ANK3: variants seen among roughly 807,000 people sequenced by gnomAD.
ANK3 encodes ankyrin 3.
Under a neutral mutation model 370.9 loss-of-function variants are expected in ANK3, and 57 were observed. The ratio of observed to expected loss-of-function variants is 0.15; its 90% CI spans 0.12 to 0.19. The LOEUF (loss-of-function observed/expected upper bound fraction) is 0.19. Ranked by LOEUF, ANK3 falls within the 10% of genes least tolerant of loss-of-function variation. The pLI, the probability that ANK3 is intolerant of heterozygous loss-of-function variation, is 1.00. For missense variants in ANK3, 4,439 were observed against 5,302.1 expected (o/e 0.84, Z 5.06); for synonymous variants, 1,929 against 1,946.3 (o/e 0.99, Z 0.23).
At position 60,433,729 on chromosome 10, in the gene ANK3, G is replaced by T. The variant is rs72806186; in HGVS notation, c.97-154090C>A. ...AGAAGGCTTGAAATAATCGAATTTT[G>T]CTTTTACAATATTTTAGAAAAACAC... On this transcript the variant is annotated intron_variant, in intron 2 of 43. Coordinates refer to the ANK3 transcript ENST00000373827. Among the ~76,000 whole-genome samples the T allele has an allele frequency of 5.3e-3, 802 of 152,286 alleles. 4 individuals are homozygous for T. The highest frequency in any genetic ancestry group is 9.5e-3 in the South Asian group (46 of 4,822).
At chr10:60,246,611 G>A (rs1400574055) in intron 7 of ANK3, among the ~76,000 whole-genome samples, 1 of 152,230 alleles carries the variant, frequency 6.6e-6, no homozygotes, top group Non-Finnish European at 1.5e-5. Flanking sequence ...CAAATGCTTG[G>A]ATGTTTGCTG....
intron 18 of ANK3, among the ~76,000 whole-genome samples, chr10:60,177,743 A>G (rs1049326530): frequency 6.6e-6 from 1 of 151,528 alleles, no homozygotes; most frequent in African/African-American, 2.4e-5. Context: ...GACTACAGGC[A>G]CCCGCCACCA....
At chr10:60,696,176 C>G (rs547589288) in intron 1 of ANK3, among the ~76,000 whole-genome samples, 1 of 149,068 alleles carries the variant, frequency 6.7e-6, no homozygotes, top group Admixed American at 6.7e-5. Flanking sequence ...TTCCTCGACA[C>G]ATACACTCTC....
intron 2 of ANK3, among the ~76,000 whole-genome samples, chr10:60,443,781 T>G (rs986829835): frequency 6.6e-6 from 1 of 152,186 alleles, no homozygotes; most frequent in African/African-American, 2.4e-5. Flanking sequence ...AGTTCAAGCT[T>G]CTTCCTACTC....
intron 42 of ANK3, among the ~76,000 whole-genome samples, chr10:60,049,864 CTTT>C (rs1179902508): frequency 6.6e-6 from 1 of 152,098 alleles, no homozygotes; most frequent in Non-Finnish European, 1.5e-5. Context: ...AGAAAAACTT[CTTT>C]ATCCCCGCCT....
Position 60,653,048 on chromosome 10 carries a change from T to C in ANK3, c.58-37824A>G, listed in dbSNP as rs188936027. Among the ~76,000 whole-genome samples the C allele has an allele frequency of 2.0e-5, 3 of 152,312 alleles. No homozygotes were observed. The East Asian group carries it at 5.8e-4, about 29-fold the overall frequency. ...ATAATTATAAGAGACCTCTATAATT[T>C]CTAGGTACAAGTTTTTAGATATATA... On this transcript the variant is annotated intron_variant, in intron 1 of 43. Transcript: ENST00000373827.
intron 2 of ANK3, among the ~76,000 whole-genome samples, chr10:60,586,798 G>A (rs2077838084): frequency 6.6e-6 from 1 of 152,170 alleles, no homozygotes; most frequent in African/African-American, 2.4e-5. Flanking sequence ...CCAAAACAAA[G>A]TAGTTAAAAC....
chr10:60,490,002 C>T (rs2075452265), intron 2 of ANK3, among the ~76,000 whole-genome samples: 1 of 151,386 alleles, frequency 6.6e-6, no homozygotes, highest in Admixed American at 6.6e-5. Context: ...TTTCTCCTTT[C>T]TCCAAAATTC....
At chr10:60,099,114 A>T (rs1158753603) in intron 28 of ANK3, among the ~76,000 whole-genome samples, 1 of 152,186 alleles carries the variant, frequency 6.6e-6, no homozygotes, top group Non-Finnish European at 1.5e-5. Context: ...CTCTGTGTGT[A>T]GAATGACCAT....
rs12247316 is a variant in ANK3, at chr10:60,483,971, G to C, written c.96+131215C>G. Among the ~76,000 whole-genome samples the C allele has an allele frequency of 5.0e-3, 768 of 152,312 alleles. 3 individuals carry two copies. Among genetic ancestry groups the C allele is most frequent in the African/African-American group, 0.017 (701 of 41,568 alleles). ...ACTTGATTAAGCTAACATTGTTAGA[G>C]AACAAAGTTAAGATAAGGAGCCTGG... On this transcript the variant is annotated intron_variant, in intron 2 of 43. Coordinates refer to the ANK3 transcript ENST00000373827.
At chr10:60,172,146 C>G (rs1384754665) in intron 21 of ANK3, among the ~76,000 whole-genome samples, 162 bp downstream of exon 21, 1 of 152,076 alleles carries the variant, frequency 6.6e-6, no homozygotes, top group Admixed American at 6.5e-5. Context: ...TTCATATTAG[C>G]AATAAGAGTT....
At chr10:60,114,551 G>T (rs1283690816) in intron 25 of ANK3, among the ~76,000 whole-genome samples, 3 of 152,230 alleles carry the variant, frequency 2.0e-5, no homozygotes, top group Non-Finnish European at 2.9e-5. Context: ...TTTTAAGAAA[G>T]CTCCCTGGGT....
intron 1 of ANK3, among the ~76,000 whole-genome samples, chr10:60,360,100 T>C (rs908977286): frequency 2.0e-5 from 3 of 152,240 alleles, no homozygotes; most frequent in Admixed American, 2.0e-4. Context: ...TTGATAGTTA[T>C]AGAGCTTCTT....
intron 1 of ANK3, among the ~76,000 whole-genome samples, chr10:60,313,912 CCT>C (rs2046875289): frequency 6.7e-6 from 1 of 149,322 alleles, no homozygotes; most frequent in African/African-American, 2.5e-5. Flanking sequence ...CTTGTCCCTG[CCT>C]CTGTTTTGTT....
chr10:60,358,509 T>C (rs926200740), intron 1 of ANK3, among the ~76,000 whole-genome samples: 8 of 152,212 alleles, frequency 5.3e-5, no homozygotes, highest in Admixed American at 2.0e-4. Context: ...CTCTAAATGA[T>C]GGGGTGCTCT....
chr10:60,385,232 T>C (rs2062088998), intron 1 of ANK3, among the ~76,000 whole-genome samples: 1 of 152,008 alleles, frequency 6.6e-6, no homozygotes, highest in Non-Finnish European at 1.5e-5. Context: ...AAAATACTGT[T>C]TCCCACACAG....
At chr10:60,209,648 AG>A (rs1198489126) in intron 9 of ANK3, among the ~76,000 whole-genome samples, 2 of 152,228 alleles carry the variant, frequency 1.3e-5, no homozygotes, top group Non-Finnish European at 2.9e-5. Flanking sequence ...GTAGAAATTA[AG>A]GTGCAGGAAA....
In ANK3 at chr10:60,071,652, G is replaced by C; in HGVS notation, c.9229C>G (p.Leu3077Val). 1 of 1,608,704 alleles carries C rather than the reference G, an allele frequency of 6.2e-7. No individual in the cohort carries two copies. Among genetic ancestry groups the C allele is most frequent in the Non-Finnish European group, 8.5e-7 (1 of 1,178,196 alleles). The stretch of plus-strand genomic sequence containing the variant: ...CCCTCTGTCTGGGCTAGTGGTGCGA[G>C]TTTTTCCAATCCATCAATGGGACTG... ...DHSPIDGLEK[L>V]APLAQTEGGK... The change falls in exon 37 of 44, where the codon CTC becomes GTC. Residue 3077 changes from leucine (L) to valine (V), a missense_variant. Leu to Val is a conservative substitution (Grantham distance 32). This residue lies in a region of ANK3 where 1,601 missense variants were observed against 1,731.7 expected (regional missense o/e 0.92). Coordinates refer to ENST00000280772, the MANE Select transcript of ANK3 (RefSeq NM_020987.5).
rs376506318 is a variant in ANK3 at position 60,389,487 on chromosome 10, C to A, written c.52G>T (p.Ala18Ser). ...LKKNRDLEINAEEEPEKKRKH... is the reference protein window; with the variant it reads ...LKKNRDLEINSEEEPEKKRKH... The stretch of plus-strand genomic sequence containing the variant: ...CTTTTTTTCTCAGGCTCTTCTTCAG[C>A]ATTGATTTCTAAATCCCTGTTTTTC... The change falls in exon 1 of 44, where the codon GCT (alanine) becomes TCT (serine). Residue 18 changes from alanine to serine, a missense_variant. Ala to Ser is a moderately conservative substitution (Grantham distance 99, BLOSUM62 1). This residue lies in a region of ANK3 where 54 missense variants were observed against 52.7 expected (regional missense o/e 1.02). Coordinates refer to ENST00000280772, the MANE Select transcript of ANK3 (RefSeq NM_020987.5). 1 of 1,613,990 alleles carries A rather than the reference C, an allele frequency of 6.2e-7. No individual in the cohort carries two copies. The highest frequency in any genetic ancestry group is 1.3e-5 in the African/African-American group (1 of 75,008).
Sources: gnomAD v4.1 joint callset for allele counts (sites outside exome capture counted in the v4.1 genomes callset) on GRCh38, gnomAD v4.1.1 for gene constraint, gnomAD v4.1.1 regional missense constraint, MANE v1.5 for transcripts, NCBI Gene and HGNC (gene_info 2026-07-23, HGNC 2026-07-21) for gene names.